SCARA3: variants seen among roughly 807,000 people sequenced by gnomAD.
The protein encoded by SCARA3 is cellular stress response gene protein.
In SCARA3, 39 loss-of-function variants were observed where a neutral mutation model predicts 47.0. That is an observed-to-expected ratio of 0.83 (90% CI 0.64 to 1.08). The LOEUF (loss-of-function observed/expected upper bound fraction) is 1.08. Among genes scored for constraint, SCARA3 ranks in the 50% least tolerant of loss-of-function variants. SCARA3 has a pLI of 0.00. For synonymous variants in SCARA3, 356 were observed against 334.1 expected (o/e 1.07, Z -0.71); for missense variants, 724 against 792.3 (o/e 0.91, Z 1.04).
chr8:27,681,550 C>T (rs1329884345), downstream of SCARA3, among the ~76,000 whole-genome samples: 2 of 151,844 alleles, frequency 1.3e-5, no homozygotes, highest in East Asian at 3.9e-4. Flanking sequence ...AGAAGCGAGA[C>T]TTCATCTCTT....
intron 2 of SCARA3, among the ~76,000 whole-genome samples, chr8:27,650,292 G>T (rs1801604803): frequency 6.6e-6 from 1 of 152,148 alleles, no homozygotes; most frequent in Admixed American, 6.5e-5. Flanking sequence ...ACTGTGCTTG[G>T]CCTGAAATCA....
At chr8:27,691,202 A>T in the SCARA3 span, among the ~76,000 whole-genome samples, 2 of 151,918 alleles carry the variant, frequency 1.3e-5, no homozygotes, top group Non-Finnish European at 2.9e-5. Flanking sequence ...TGCCTTTCCA[A>T]AGCAAGGAGT....
chr8:27,640,221 A>G (rs1801354456), intron 1 of SCARA3, among the ~76,000 whole-genome samples: 1 of 152,218 alleles, frequency 6.6e-6, no homozygotes, highest in African/African-American at 2.4e-5. Flanking sequence ...TTTTTTTAAA[A>G]ATCAAAAAAT....
the SCARA3 span, chr8:27,701,264 A>G: frequency 6.6e-6 from 1 of 152,044 alleles, no homozygotes; most frequent in Admixed American, 6.5e-5. Flanking sequence ...GTTACCTGGG[A>G]TGGGATGGTT....
the SCARA3 span, among the ~76,000 whole-genome samples, chr8:27,720,232 C>CAGCAGATGGA: frequency 6.6e-6 from 1 of 152,002 alleles, no homozygotes; most frequent in Admixed American, 6.6e-5. Context: ...CTGAGCAAGT[C>CAGCAGATGGA]TGAGTGGCGA....
chr8:27,718,114 A>C, the SCARA3 span, among the ~76,000 whole-genome samples: 7 of 152,338 alleles, frequency 4.6e-5, no homozygotes, highest in Admixed American at 2.6e-4. Flanking sequence ...GACTCTGCCC[A>C]GAATGCTTCT....
At chr8:27,657,809 G>C (rs532378171) in intron 4 of SCARA3, among the ~76,000 whole-genome samples, 1 of 151,952 alleles carries the variant, frequency 6.6e-6, no homozygotes, top group South Asian at 2.1e-4. Context: ...CAAAGTGCTG[G>C]GATTACAGGC....
intron 1 of SCARA3, 66 bp downstream of exon 1, chr8:27,634,273 TG>T (rs1215930671): frequency 1.2e-5 from 16 of 1,280,086 alleles, no homozygotes; most frequent in Non-Finnish European, 1.5e-5. Context: ...ACCCAGGGCC[TG>T]GGGGGCGCCT....
the SCARA3 span, among the ~76,000 whole-genome samples, chr8:27,718,343 A>T: frequency 6.6e-6 from 1 of 152,268 alleles, no homozygotes; most frequent in Non-Finnish European, 1.5e-5. Context: ...CAAAGCCTGA[A>T]ATGATCAGGT....
rs61545866 is a variant in SCARA3, at chr8:27,653,570, C to CGTGTGTGT, written c.226+1966_226+1973dup. On this transcript the variant is annotated intron_variant, in intron 3 of 5. Transcript: ENST00000301904. Reference sequence around the variant, plus strand: ...AAAGAATGATTATAGATTTGTAAAGCGTGTGTGTGTGTGTGTGTGTGTGTG... The same window carrying CGTGTGTGT: ...AAAGAATGATTATAGATTTGTAAAGCGTGTGTGTGTGTGTGTGTGTGTGTGTGTGTGTG... Among the ~76,000 whole-genome samples the CGTGTGTGT allele has an allele frequency of 5.4e-3, 788 of 145,176 alleles. 3 individuals carry two copies. Among genetic ancestry groups the CGTGTGTGT allele is most frequent in the East Asian group, 0.034 (166 of 4,854 alleles).
At chr8:27,660,683 G>T (rs1185577626) in intron 5 of SCARA3, among the ~76,000 whole-genome samples, 1 of 141,556 alleles carries the variant, frequency 7.1e-6, no homozygotes, top group South Asian at 2.5e-4. Context: ...CAATAGTGTA[G>T]AGTGATAGAT....
the SCARA3 span, among the ~76,000 whole-genome samples, chr8:27,698,003 C>G: frequency 1.3e-5 from 2 of 152,268 alleles, no homozygotes; most frequent in South Asian, 2.1e-4. Context: ...TCCTCAGAAC[C>G]AGAAATCTGA....
intron 5 of SCARA3, among the ~76,000 whole-genome samples, chr8:27,669,534 C>T (rs1050657569): frequency 1.3e-5 from 2 of 152,376 alleles, no homozygotes; most frequent in Non-Finnish European, 2.9e-5. Flanking sequence ...TGCCTCCCGG[C>T]TTCTCTGAGG....
At chr8:27,683,827 G>T in the SCARA3 span, among the ~76,000 whole-genome samples, 1 of 151,536 alleles carries the variant, frequency 6.6e-6, no homozygotes, top group African/African-American at 2.4e-5. Flanking sequence ...AGGAGGAGGA[G>T]AACAGGGAAG....
chr8:27,673,050 T>C (rs1028050072), downstream of SCARA3: 5 of 964,486 alleles, frequency 5.2e-6, no homozygotes, highest in East Asian at 1.2e-4. Context: ...TCTGCCTGAC[T>C]TGGGGGCATG....
chr8:27,706,994 G>A, the SCARA3 span, among the ~76,000 whole-genome samples: 3 of 152,130 alleles, frequency 2.0e-5, no homozygotes, highest in Non-Finnish European at 4.4e-5. Context: ...TACTCCTTAG[G>A]CAAGAGACAG....
chr8:27,665,445 G>C (rs969810681), intron 5 of SCARA3, among the ~76,000 whole-genome samples: 1 of 152,238 alleles, frequency 6.6e-6, no homozygotes, highest in Non-Finnish European at 1.5e-5. Context: ...GTGCTAGACT[G>C]TGTCCATGCT....
At chr8:27,636,203 C>T (rs533472250) in intron 1 of SCARA3, among the ~76,000 whole-genome samples, 2 of 152,306 alleles carry the variant, frequency 1.3e-5, no homozygotes, top group South Asian at 2.1e-4. Flanking sequence ...ACATCTTACA[C>T]GGGGCCACAC....
At chr8:27,649,047 A>G (rs1051564778) in intron 1 of SCARA3, among the ~76,000 whole-genome samples, 2 of 152,174 alleles carry the variant, frequency 1.3e-5, no homozygotes, top group Non-Finnish European at 2.9e-5. Flanking sequence ...CTGGGGAACT[A>G]GAGGAATCTT....
Sources: gnomAD v4.1 joint callset for allele counts (sites outside exome capture counted in the v4.1 genomes callset) on GRCh38, gnomAD v4.1.1 for gene constraint, MANE v1.5 for transcripts, NCBI Gene and HGNC (gene_info 2026-07-23, HGNC 2026-07-21) for gene names.